Variants in UBR4 observed in about 807,000 individuals in gnomAD.
UBR4 encodes ubiquitin protein ligase E3 component n-recognin 4, also known as E3 ubiquitin-protein ligase UBR4.
A neutral mutation model predicts 575.6 loss-of-function variants in UBR4; 124 were observed. The ratio of observed to expected loss-of-function variants is 0.22; its 90% CI spans 0.19 to 0.25. The LOEUF (loss-of-function observed/expected upper bound fraction) is 0.25. Ranked by LOEUF, UBR4 falls within the 10% of genes least tolerant of loss-of-function variation. The pLI, the probability that UBR4 is intolerant of heterozygous loss-of-function variation, is 1.00. For missense variants in UBR4, 4,818 were observed against 6,478.8 expected, an observed-to-expected ratio of 0.74 and a Z score of 8.80; for synonymous variants, 2,455 against 2,473.7, an observed-to-expected ratio of 0.99 and a Z score of 0.22.
rs2079128796 is a variant in UBR4, at chr1:19,105,825, T to C, written c.12411A>G (p.Ala4137=). 6.2e-7 allele frequency: 1 copy of C among 1,602,586 alleles called. No individual in the cohort carries two copies. The highest frequency in any genetic ancestry group is 8.5e-7 in the Non-Finnish European group (1 of 1,176,384). Residue 4137 remains alanine, a synonymous_variant, in exon 84 of 106, where the codon GCA becomes GCG. Transcript: ENST00000375254. ...AGGCTGCCTGCCGTGCGGCCTGCGT[T>C]GCTGGAGTGAAAAGCACCTGCAGGA... ...NWLRQVLFTP[A]TQAARQAACT...
intron 90 of UBR4, among the ~76,000 whole-genome samples, chr1:19,099,127 C>T (rs1354179427): frequency 6.6e-6 from 1 of 152,198 alleles, no homozygotes; most frequent in Non-Finnish European, 1.5e-5. Context: ...TCAAGAATAA[C>T]TGCCTGTTTG....
At chr1:19,135,342 AG>A (rs2149818846) in intron 60 of UBR4, among the ~76,000 whole-genome samples, 1 of 152,312 alleles carries the variant, frequency 6.6e-6, no homozygotes, top group African/African-American at 2.4e-5. Context: ...AATTCTATAA[AG>A]TCCTCTAAAT....
Position 19,088,855 on chromosome 1 carries a change from G to C in UBR4, c.14334C>G (p.Asn4778Lys), listed in dbSNP as rs2077257191. The change falls in exon 98 of 106, where the codon AAC becomes AAG. Residue 4778 changes from asparagine (N) to lysine (K), a missense_variant. By Grantham distance (94) the Asn-to-Lys change is moderately conservative. Around this residue, in one of 29 missense-constraint regions of UBR4, gnomAD observed 196 missense variants for 386.8 expected, o/e 0.51. Transcript: ENST00000375254. This position sits in a 1 kb window ranked among gnomAD's most constrained non-coding sequence, Gnocchi z 4.0. Reference protein sequence around the residue: ...LEALREHPDVNKKIDAARRET... With the variant: ...LEALREHPDVKKKIDAARRET... ...CCCTGCGGGCTGCGTCAATCTTCTTGTTTACGTCAGGGTGTTCCCGCAGGG... is the reference window on the plus strand; with the variant it reads ...CCCTGCGGGCTGCGTCAATCTTCTTCTTTACGTCAGGGTGTTCCCGCAGGG... The C allele has an allele frequency of 6.2e-7, 1 of 1,613,990 alleles. No homozygotes were observed. Among genetic ancestry groups the C allele is most frequent in the African/African-American group, 1.3e-5 (1 of 74,884 alleles).
Position 19,154,946 on chromosome 1 carries a change from A to T in UBR4, c.6430T>A (p.Leu2144Met), listed in dbSNP as rs765716932. ...ATISRTTLEVLQLFPINIKSS... is the reference protein window; with the variant it reads ...ATISRTTLEVMQLFPINIKSS... ...TTGATGTTGATGGGGAAGAGTTGCAACACCTCCAGGGTTGTCCTGCTGATG... is the reference window on the plus strand; with the variant it reads ...TTGATGTTGATGGGGAAGAGTTGCATCACCTCCAGGGTTGTCCTGCTGATG... Residue 2144 changes from leucine to methionine, a missense_variant, in exon 44 of 106, where the codon TTG becomes ATG. Transcript: ENST00000375254. 1 of 1,614,140 alleles carries T rather than the reference A, an allele frequency of 6.2e-7. No individual in the cohort carries two copies. The highest frequency in any genetic ancestry group is 8.5e-7 in the Non-Finnish European group (1 of 1,180,006).
intron 26 of UBR4, among the ~76,000 whole-genome samples, chr1:19,170,288 A>G (rs1395641557): frequency 6.6e-6 from 1 of 152,230 alleles, no homozygotes; most frequent in Non-Finnish European, 1.5e-5. Context: ...GATCCCAGCT[A>G]CTTGGGAGGC....
intron 105 of UBR4, chr1:19,075,137 G>A (rs2075798256): frequency 2.0e-5 from 11 of 550,234 alleles, no homozygotes; most frequent in Non-Finnish European, 3.6e-5. Flanking sequence ...CATTTGAATA[G>A]GGTGTGTCTG....
intron 8 of UBR4, among the ~76,000 whole-genome samples, chr1:19,194,034 C>T (rs1264704977): frequency 6.6e-6 from 1 of 151,838 alleles, no homozygotes; most frequent in Non-Finnish European, 1.5e-5. Context: ...TACCAGGGGT[C>T]GAGGGATGGG....
In UBR4 at chr1:19,165,289, A is replaced by T. The variant is rs2088146076; in HGVS notation, c.4272T>A (p.Cys1424Ter). Residue 1424 changes from cysteine (C) to a stop codon, truncating the protein, a stop_gained, in exon 31 of 106, where the codon TGT becomes TGA. Coordinates refer to ENST00000375254, the MANE Select transcript of UBR4 (RefSeq NM_020765.3). LOFTEE classifies it high-confidence loss of function. Reference sequence around the variant, plus strand: ...TGGTGAAGAATTTCAAAACTCGGTTACAGAATTTAGCAGAGAGGTTCTCAT... The same window carrying T: ...TGGTGAAGAATTTCAAAACTCGGTTTCAGAATTTAGCAGAGAGGTTCTCAT... ...TANENLSAKF[C>*]NRVLKFFTKL... 6.2e-7 allele frequency: 1 copy of T among 1,614,252 alleles called. No individual in the cohort carries two copies. Among genetic ancestry groups the T allele is most frequent in the Non-Finnish European group, 8.5e-7 (1 of 1,180,034 alleles).
chr1:19,134,693 A>ATT (rs1178897731), intron 60 of UBR4, among the ~76,000 whole-genome samples: 1 of 145,550 alleles, frequency 6.9e-6, no homozygotes, highest in Non-Finnish European at 1.5e-5. Context: ...GAAGGTCTTC[A>ATT]TTTTTTTTTT....
intron 60 of UBR4, among the ~76,000 whole-genome samples, chr1:19,133,973 C>T (rs1263830804): frequency 6.7e-6 from 1 of 150,352 alleles, no homozygotes. Flanking sequence ...GTAATCCCAG[C>T]TACTCAGGAG....
intron 86 of UBR4, 148 bp downstream of exon 86, chr1:19,104,437 G>GT (rs756992329): frequency 4.6e-5 from 52 of 1,132,806 alleles, no homozygotes; most frequent in Non-Finnish European, 5.8e-5. Flanking sequence ...AATCATAAAC[G>GT]TATCAATACA....
chr1:19,092,948 G>A (rs771406053), intron 96 of UBR4, 30 bp from the exon 97 acceptor site: 2 of 1,597,422 alleles, frequency 1.3e-6, no homozygotes, highest in Admixed American at 1.7e-5. Context: ...TTATTAGCAG[G>A]CCAGGGAAGC....
rs895477696 is a variant in UBR4, at chr1:19,110,304, C to T, written c.11977+76G>A. The stretch of plus-strand genomic sequence containing the variant: ...GCAGAGGCCGCCCAAGCATCAGTTT[C>T]CCTCCTCCCCTCCCAGTCCGGCCAG... On this transcript the variant is annotated intron_variant, in intron 80 of 105. Coordinates refer to ENST00000375254, the MANE Select transcript of UBR4 (RefSeq NM_020765.3). The surrounding 1 kb of genome is among the most constrained non-coding windows in gnomAD (Gnocchi z 4.5). 5.3e-5 allele frequency: 85 copies of T among 1,612,780 alleles called. No homozygotes were observed. The African/African-American group carries it at 1.1e-3, about 21-fold the overall frequency.
In UBR4 at chr1:19,115,582, C is replaced by A. The variant is rs538901363; in HGVS notation, c.10879G>T (p.Val3627Leu). The A allele has an allele frequency of 6.2e-7, 1 of 1,614,212 alleles. No homozygotes were observed. The highest frequency in any genetic ancestry group is 1.3e-5 in the African/African-American group (1 of 75,058). Residue 3627 changes from valine to leucine, a missense_variant, in exon 74 of 106, where the codon GTG becomes TTG. Physicochemically the swap from Val to Leu is conservative, Grantham distance 32 (BLOSUM62 1). Transcript: ENST00000375254. ...KVQLTPGQTE[V>L]KIDLPLPIVA... ...ATGGGCAACGGCAGGTCAATCTTCA[C>A]CTCTGTCTGTCCAGGGGTCAGCTGA...
chr1:19,096,434 A>G (rs1439103578), intron 92 of UBR4, 89 bp downstream of exon 92: 1 of 1,539,504 alleles, frequency 6.5e-7, no homozygotes, highest in African/African-American at 1.4e-5. Flanking sequence ...CCTCTAGGGT[A>G]AAATGACACA....
At chr1:19,119,431 A>T in intron 70 of UBR4, 126 bp downstream of exon 70, 1 of 1,305,640 alleles carries the variant, frequency 7.7e-7, no homozygotes, top group Non-Finnish European at 1.1e-6. Flanking sequence ...ATGCAAAACT[A>T]GATATATTTA....
In UBR4 at chr1:19,146,874, T is replaced by C. The variant is rs1427543584; in HGVS notation, c.7756A>G (p.Asn2586Asp). ...TARSIAIMRP[N>D]NLVHFTESKL... ...GACTCCGTAAAGTGGACAAGGTTGT[T>C]GGGGCGCATGATGGCAATGGAGCGA... The change falls in exon 52 of 106, where the codon AAC becomes GAC. Residue 2586 changes from asparagine (N) to aspartate (D), a missense_variant. Physicochemically the swap from Asn to Asp is conservative, Grantham distance 23. This residue lies in a region of UBR4 where 340 missense variants were observed against 375.4 expected (regional missense o/e 0.91). Transcript: ENST00000375254. 2 of 1,614,100 alleles carry C rather than the reference T, an allele frequency of 1.2e-6. No homozygotes were observed. The highest frequency in any genetic ancestry group is 3.3e-5 in the Admixed American group (2 of 60,014).
chr1:19,166,920 A>G, intron 29 of UBR4, 102 bp downstream of exon 29: 1 of 1,351,510 alleles, frequency 7.4e-7, no homozygotes, highest in Non-Finnish European at 1.0e-6. Context: ...ACCACACACA[A>G]AAACAATAAG....
Position 19,140,851 on chromosome 1 carries a change from A to G in UBR4, c.8530T>C (p.Ser2844Pro). Residue 2844 changes from serine (S) to proline (P), a missense_variant, in exon 58 of 106, where the codon TCC becomes CCC. Transcript: ENST00000375254. ...GAGGAAGAGCTGGGTGCCTGGCCGG[A>G]CAGTCCCAGGCTCTGCAGGCCCAGG... The part of the protein sequence containing the change: ...SALGLQSLGL[S>P]GQAPSSSSLD... 6.2e-7 allele frequency: 1 copy of G among 1,612,790 alleles called. No individual in the cohort carries two copies. Among genetic ancestry groups the G allele is most frequent in the Non-Finnish European group, 8.5e-7 (1 of 1,179,838 alleles).
Sources: allele counts gnomAD v4.1 joint callset (sites outside exome capture counted in the v4.1 genomes callset), GRCh38; gene constraint gnomAD v4.1.1; regional missense constraint gnomAD v4.1.1; non-coding constraint Gnocchi (gnomAD v3.1); transcripts MANE v1.5; gene names NCBI Gene and HGNC (gene_info 2026-07-23, HGNC 2026-07-21).